CA12: variants seen among roughly 807,000 people sequenced by gnomAD.
The protein encoded by CA12 is carbonic anhydrase 12.
Under a neutral mutation model 46.8 loss-of-function variants are expected in CA12, and 36 were observed. The ratio of observed to expected loss-of-function variants is 0.77; its 90% CI spans 0.59 to 1.02. The LOEUF (loss-of-function observed/expected upper bound fraction) is 1.02. Ranked by LOEUF, CA12 falls within the 50% of genes least tolerant of loss-of-function variation. The pLI, the probability that CA12 is intolerant of heterozygous loss-of-function variation, is 0.00. For missense variants in CA12, 436 were observed against 451.4 expected (o/e 0.97, Z 0.31); for synonymous variants, 202 against 187.0 (o/e 1.08, Z -0.65).
At chr15:63,381,535 G>T in intron 1 of CA12, 101 bp downstream of exon 1, 2 of 972,208 alleles carry the variant, frequency 2.1e-6, no homozygotes, top group Non-Finnish European at 3.2e-6. Context: ...CACCTTCCCT[G>T]CTCCCCGCAG....
chr15:63,350,660 C>T (rs907635073), intron 2 of CA12, among the ~76,000 whole-genome samples: 5 of 152,206 alleles, frequency 3.3e-5, no homozygotes, highest in Admixed American at 6.5e-5. Flanking sequence ...ATTAACATGG[C>T]ACAGCTCAAA....
Position 63,355,281 on chromosome 15 carries a change from C to G in CA12, c.107-8572G>C, listed in dbSNP as rs1427564173. Among the ~76,000 whole-genome samples the G allele has an allele frequency of 6.6e-6, 1 of 152,244 alleles. No homozygotes were observed. Among genetic ancestry groups the G allele is most frequent in the Non-Finnish European group, 1.5e-5 (1 of 68,042 alleles). On this transcript the variant is annotated intron_variant, in intron 2 of 10. Transcript: ENST00000178638. The surrounding 1 kb of genome is among the most constrained non-coding windows in gnomAD (Gnocchi z 4.1). ...CTGGGGCAGGGCAAAGGGTTTCCCC[C>G]TCTTCTGTGCTCCTATACAGCCTTT...
intron 2 of CA12, among the ~76,000 whole-genome samples, chr15:63,366,392 TC>T (rs2039435504): frequency 6.6e-6 from 1 of 152,160 alleles, no homozygotes; most frequent in South Asian, 2.1e-4. Flanking sequence ...ATCTTGGACA[TC>T]ACCTCCCCCA....
intron 2 of CA12, among the ~76,000 whole-genome samples, chr15:63,352,478 A>G (rs1595784610): frequency 1.3e-5 from 2 of 152,218 alleles, no homozygotes; most frequent in East Asian, 3.8e-4. Context: ...AGCCATGAGA[A>G]GACAGTGGGG....
Position 63,331,249 on chromosome 15 carries a change from A to C in CA12, c.875-3119T>G, listed in dbSNP as rs2038934293. ...GGGACACAGGGAGAACTGTCAGGGCAACCAGAGAACTAGAACCTGAGTGCG... is the reference window on the plus strand; with the variant it reads ...GGGACACAGGGAGAACTGTCAGGGCCACCAGAGAACTAGAACCTGAGTGCG... On this transcript the variant is annotated intron_variant, in intron 8 of 10. Coordinates refer to ENST00000178638, the MANE Select transcript of CA12 (RefSeq NM_001218.5). The surrounding 1 kb of genome is among the most constrained non-coding windows in gnomAD (Gnocchi z 5.3). Among the ~76,000 whole-genome samples the C allele has an allele frequency of 6.6e-6, 1 of 152,198 alleles. No homozygotes were observed. Among genetic ancestry groups the C allele is most frequent in the African/African-American group, 2.4e-5 (1 of 41,440 alleles).
chr15:63,370,660 C>A (rs2039491799), intron 2 of CA12, among the ~76,000 whole-genome samples: 1 of 151,400 alleles, frequency 6.6e-6, no homozygotes, highest in Admixed American at 6.6e-5. Flanking sequence ...GTAATCCCAG[C>A]TACTTGGGAG....
rs200984177 is a variant in CA12, at chr15:63,328,710, GT to G, written c.875-581del. 1.3e-5 allele frequency among the ~76,000 whole-genome samples: 2 copies of G among 150,978 alleles called. No individual in the cohort carries two copies. Among genetic ancestry groups the G allele is most frequent in the Non-Finnish European group, 3.0e-5 (2 of 67,698 alleles). ...AGTTTTTGTTTGTTTGTTTGTTTGT[GT>G]TTTTTTTGAGACAGAGTCTCGCTCT... On this transcript the variant is annotated intron_variant, in intron 8 of 10. Coordinates refer to ENST00000178638, the MANE Select transcript of CA12 (RefSeq NM_001218.5). This position sits in a 1 kb window ranked among gnomAD's most constrained non-coding sequence, Gnocchi z 5.9.
Position 63,327,040 on chromosome 15 carries a change from G to T in CA12, c.992+109C>A, listed in dbSNP as rs914997666. On this transcript the variant is annotated intron_variant, in intron 10 of 10. Coordinates refer to ENST00000178638, the MANE Select transcript of CA12 (RefSeq NM_001218.5). The surrounding 1 kb of genome is among the most constrained non-coding windows in gnomAD (Gnocchi z 4.5). ...GGGGACGGCCCTCCTAGGGTAAGTG[G>T]TGGTCCAGGTGACTGCGGCTCTTCA... The T allele has an allele frequency of 3.1e-6, 3 of 958,214 alleles. No individual in the cohort carries two copies. The highest frequency in any genetic ancestry group is 5.0e-6 in the Non-Finnish European group (3 of 600,834). 59.4% of individuals were successfully genotyped at this position (958,214 alleles called of 1,614,324 possible).
intron 2 of CA12, among the ~76,000 whole-genome samples, chr15:63,359,509 A>G (rs2039332502): frequency 1.3e-5 from 2 of 152,230 alleles, no homozygotes; most frequent in Non-Finnish European, 2.9e-5. Context: ...AACCATATAT[A>G]TGTACACACA....
chr15:63,374,614 G>GT lies in CA12; in HGVS notation c.106+1043_106+1044insA, dbSNP rs1595794157. 6.6e-5 allele frequency among the ~76,000 whole-genome samples: 10 copies of GT among 152,312 alleles called. No individual in the cohort carries two copies. In the East Asian group the frequency reaches 1.9e-3, roughly 29 times the overall value. On this transcript the variant is annotated intron_variant, in intron 2 of 10. Coordinates refer to ENST00000178638, the MANE Select transcript of CA12 (RefSeq NM_001218.5). The surrounding 1 kb of genome is among the most constrained non-coding windows in gnomAD (Gnocchi z 4.4). Reference sequence around the variant, plus strand: ...AGCCGTGCAGTGCTGGGGCTGAGGGGACCTTGGCCTGTGGGTAGCTGGTTG... The same window carrying GT: ...AGCCGTGCAGTGCTGGGGCTGAGGGGTACCTTGGCCTGTGGGTAGCTGGTTG...
intron 10 of CA12, 57 bp from the exon 11 acceptor site, chr15:63,326,414 G>A (rs2038867946): frequency 1.3e-5 from 18 of 1,400,924 alleles, no homozygotes; most frequent in Non-Finnish European, 1.8e-5. Context: ...GAGCCAGAGA[G>A]CAGCCTGACT....
intron 2 of CA12, among the ~76,000 whole-genome samples, chr15:63,347,122 G>T (rs976247827): frequency 2.0e-5 from 3 of 152,244 alleles, no homozygotes; most frequent in Admixed American, 6.5e-5. Flanking sequence ...ATCCAAGCTG[G>T]CATTCTAGCG....
At position 63,323,367 on chromosome 15, in the gene CA12, A is replaced by C. The variant is rs940662817; in HGVS notation, c.*2918T>G. 3 of 152,206 alleles carry C rather than the reference A, an allele frequency of 2.0e-5. No homozygotes were observed. The highest frequency in any genetic ancestry group is 4.4e-5 in the Non-Finnish European group (3 of 68,034). 9.4% of individuals were successfully genotyped at this position (152,206 alleles called of 1,614,324 possible). A position where few individuals can be genotyped will look rare whatever the true frequency, so the allele number is the denominator to read the frequency against. ...ATAGGCCTCCATCCTCAGGAAAGTG[A>C]TTGAGTCTATCAGCTTATTTTCCTT... On this transcript the variant is annotated 3_prime_UTR_variant, in exon 11 of 11. Transcript: ENST00000178638. The surrounding 1 kb of genome is among the most constrained non-coding windows in gnomAD (Gnocchi z 5.1).
rs564508860 is a variant in CA12 at position 63,373,808 on chromosome 15, G to A, written c.106+1850C>T. On this transcript the variant is annotated intron_variant, in intron 2 of 10. Transcript: ENST00000178638. This position sits in a 1 kb window ranked among gnomAD's most constrained non-coding sequence, Gnocchi z 4.9. Reference sequence around the variant, plus strand: ...GAAAGTGAAGTCCTGGGGCTGAAATGGCTTACTGGGGATCATATGGAATAA... The same window carrying A: ...GAAAGTGAAGTCCTGGGGCTGAAATAGCTTACTGGGGATCATATGGAATAA... 3.3e-5 allele frequency among the ~76,000 whole-genome samples: 5 copies of A among 152,276 alleles called. No homozygotes were observed. In the South Asian group the frequency reaches 1.0e-3, roughly 32 times the overall value.
At position 63,328,588 on chromosome 15, in the gene CA12, C is replaced by T. The variant is rs2038898325; in HGVS notation, c.875-458G>A. 6.6e-6 allele frequency among the ~76,000 whole-genome samples: 1 copy of T among 152,180 alleles called. No individual in the cohort carries two copies. The highest frequency in any genetic ancestry group is 1.5e-5 in the Non-Finnish European group (1 of 68,036). ...TGACCTCATTATCCACCTGCCTTGG[C>T]CTTCCAAAGTGTTGGGATTATAGGC... On this transcript the variant is annotated intron_variant, in intron 8 of 10. Coordinates refer to ENST00000178638, the MANE Select transcript of CA12 (RefSeq NM_001218.5). This position sits in a 1 kb window ranked among gnomAD's most constrained non-coding sequence, Gnocchi z 5.9.
At chr15:63,363,742 G>A (rs971477797) in intron 2 of CA12, among the ~76,000 whole-genome samples, 2 of 152,252 alleles carry the variant, frequency 1.3e-5, no homozygotes, top group Non-Finnish European at 2.9e-5. Flanking sequence ...GCAGGAAACA[G>A]TTGATGCCTA....
Position 63,326,154 on chromosome 15 carries a change from C to A in CA12, c.*131G>T. 1 of 754,308 alleles carries A rather than the reference C, an allele frequency of 1.3e-6. No homozygotes were observed. 46.7% of individuals were successfully genotyped at this position (754,308 alleles called of 1,614,324 possible). A position where few individuals can be genotyped will look rare whatever the true frequency, so the allele number is the denominator to read the frequency against. On this transcript the variant is annotated 3_prime_UTR_variant, in exon 11 of 11. Coordinates refer to ENST00000178638, the MANE Select transcript of CA12 (RefSeq NM_001218.5). ...GGCAAGGAGGCACCCAGCAGAGGAT[C>A]CCTGAGGCCTGGCATGTTTGCAGAT...
In CA12 at chr15:63,348,763, C is replaced by T. The variant is rs779851668; in HGVS notation, c.107-2054G>A. Among the ~76,000 whole-genome samples the T allele has an allele frequency of 3.9e-5, 6 of 152,174 alleles. No individual in the cohort carries two copies. The highest frequency in any genetic ancestry group is 7.3e-5 in the Non-Finnish European group (5 of 68,028). Reference sequence around the variant, plus strand: ...TTTACTGATAGCTAAACGAGAGCCTCGTGAAGATAGGGACCCCTCATCTTC... The same window carrying T: ...TTTACTGATAGCTAAACGAGAGCCTTGTGAAGATAGGGACCCCTCATCTTC... On this transcript the variant is annotated intron_variant, in intron 2 of 10. Coordinates refer to ENST00000178638, the MANE Select transcript of CA12 (RefSeq NM_001218.5). The surrounding 1 kb of genome is among the most constrained non-coding windows in gnomAD (Gnocchi z 4.6).
chr15:63,321,379 C>T lies in CA12; in HGVS notation c.*4906G>A, dbSNP rs1246144953. On this transcript the variant is annotated 3_prime_UTR_variant, in exon 11 of 11. Transcript: ENST00000178638. This position sits in a 1 kb window ranked among gnomAD's most constrained non-coding sequence, Gnocchi z 4.5. ...CTTGCAGTCATCATGATACGCTGAC[C>T]TGGTTGCAATCATTTTTATGGTGAA... is the stretch of plus-strand genomic sequence containing the variant. The T allele has an allele frequency of 6.6e-6, 1 of 152,280 alleles. No homozygotes were observed. The highest frequency in any genetic ancestry group is 1.5e-5 in the Non-Finnish European group (1 of 68,056). 9.4% of individuals were successfully genotyped at this position (152,280 alleles called of 1,614,324 possible).
Sources: allele counts gnomAD v4.1 joint callset (sites outside exome capture counted in the v4.1 genomes callset), GRCh38; gene constraint gnomAD v4.1.1; non-coding constraint Gnocchi (gnomAD v3.1); transcripts MANE v1.5; gene names NCBI Gene and HGNC (gene_info 2026-07-23, HGNC 2026-07-21).